The following ARMH1 variants were observed in gnomAD, a reference collection of about 807,000 sequenced individuals.
ARMH1 encodes armadillo-like helical domain containing protein 1.
In ARMH1, 34 loss-of-function variants were observed where a neutral mutation model predicts 50.2. That is an observed-to-expected ratio of 0.68 (90% confidence interval 0.51 to 0.90). The LOEUF is 0.90. Among genes scored for constraint, ARMH1 ranks in the 40% least tolerant of loss-of-function variants. The pLI is 0.00. For synonymous variants in ARMH1, 221 were observed against 224.2 expected (o/e 0.99, Z 0.13); for missense variants, 538 against 553.9 (o/e 0.97, Z 0.29).
intron 2 of ARMH1, among the ~76,000 whole-genome samples, chr1:44,695,742 C>A (rs1645803664): frequency 6.6e-6 from 1 of 152,086 alleles, no homozygotes. Context: ...AAGTCCGAAA[C>A]TAGTCTGGGC....
At chr1:44,710,433 C>A (rs1301171535) in intron 6 of ARMH1, among the ~76,000 whole-genome samples, 1 of 151,950 alleles carries the variant, frequency 6.6e-6, no homozygotes, top group Admixed American at 6.5e-5. Context: ...CACGGTGAAA[C>A]CCCGTCTCTA....
rs994412585 is a variant in ARMH1, at chr1:44,681,933, C to T, written c.-23+7060C>T. On this transcript the variant is annotated intron_variant, in intron 1 of 11. Coordinates refer to ENST00000535358, the MANE Select transcript of ARMH1 (RefSeq NM_001145636.2). This position sits in a 1 kb window ranked among gnomAD's most constrained non-coding sequence, Gnocchi z 4.3. ...CTGCATTCCATGTCTCTTCTCTGTG[C>T]GCCAACAGAACCTGGGATATATCCC... 2.6e-5 allele frequency among the ~76,000 whole-genome samples: 4 copies of T among 152,086 alleles called. No individual in the cohort carries two copies. Among genetic ancestry groups the T allele is most frequent in the East Asian group, 1.9e-4 (1 of 5,188 alleles).
intron 2 of ARMH1, among the ~76,000 whole-genome samples, chr1:44,695,283 G>A (rs906798927): frequency 2.6e-5 from 4 of 152,134 alleles, no homozygotes; most frequent in African/African-American, 9.7e-5. Context: ...CCACTGGAGG[G>A]CCATGGTGAG....
At chr1:44,720,651 G>C (rs1647064429) in intron 6 of ARMH1, among the ~76,000 whole-genome samples, 1 of 152,302 alleles carries the variant, frequency 6.6e-6, no homozygotes, top group African/African-American at 2.4e-5. Context: ...TGAGTGAAGA[G>C]TGAAGGCAGA....
chr1:44,721,877 T>G (rs146000125), intron 6 of ARMH1: 2 of 152,194 alleles, frequency 1.3e-5, no homozygotes, highest in Non-Finnish European at 1.5e-5. Flanking sequence ...GAAAGATTTA[T>G]TCGTTATGAA....
intron 6 of ARMH1, among the ~76,000 whole-genome samples, chr1:44,708,916 T>G (rs1036585679): frequency 6.6e-6 from 1 of 152,196 alleles, no homozygotes; most frequent in East Asian, 1.9e-4. Context: ...TTTTCTCTGC[T>G]GGACCATCTC....
rs1015594889 is a variant in ARMH1 at position 44,683,022 on chromosome 1, C to T, written c.-22-6654C>T. 2.6e-5 allele frequency among the ~76,000 whole-genome samples: 4 copies of T among 152,290 alleles called. No homozygotes were observed. The highest frequency in any genetic ancestry group is 2.1e-4 in the South Asian group (1 of 4,826). ...GCCCGAAGACCAGTGGAGGCTGTTG[C>T]AGTAATCCATATGCGGAACAAGGGT... On this transcript the variant is annotated intron_variant, in intron 1 of 11. Coordinates refer to ENST00000535358, the MANE Select transcript of ARMH1 (RefSeq NM_001145636.2). This position sits in a 1 kb window ranked among gnomAD's most constrained non-coding sequence, Gnocchi z 4.2.
intron 6 of ARMH1, among the ~76,000 whole-genome samples, chr1:44,716,181 C>T (rs1342869578): frequency 6.6e-6 from 1 of 151,966 alleles, no homozygotes; most frequent in Non-Finnish European, 1.5e-5. Flanking sequence ...AGGTCTTCTT[C>T]TCCTTCTTTG....
chr1:44,714,879 G>A (rs142174475), intron 6 of ARMH1, among the ~76,000 whole-genome samples: 4 of 151,632 alleles, frequency 2.6e-5, no homozygotes, highest in Admixed American at 6.6e-5. Flanking sequence ...GACTGTCCCC[G>A]GCCTTTTTTC....
At chr1:44,713,274 T>G (rs1646700305) in intron 6 of ARMH1, among the ~76,000 whole-genome samples, 1 of 151,866 alleles carries the variant, frequency 6.6e-6, no homozygotes, top group Non-Finnish European at 1.5e-5. Context: ...AATTTTCATA[T>G]TTTTAGCGGG....
In ARMH1 at chr1:44,700,994, T is replaced by C; in HGVS notation, c.514T>C (p.Leu172=). ...GACCCAGGAGGAAGTGCAGGTTCTG[T>C]TGGATTCTTTGGTCCACGGCAATCC... is the stretch of plus-strand genomic sequence containing the variant. The part of the protein sequence containing the change: ...EETQEEVQVL[L]DSLVHGNPKY... Residue 172 remains leucine, a synonymous_variant, in exon 5 of 12, where the codon TTG becomes CTG. Transcript: ENST00000535358. The C allele has an allele frequency of 6.4e-7, 1 of 1,551,686 alleles. No individual in the cohort carries two copies. The highest frequency in any genetic ancestry group is 1.2e-5 in the South Asian group (1 of 84,064).
At chr1:44,725,250 C>A (rs116031938) in intron 11 of ARMH1, 33 bp downstream of exon 11, 1 of 1,551,710 alleles carries the variant, frequency 6.4e-7, no homozygotes, top group Non-Finnish European at 8.7e-7. Context: ...CGGGCGCAGG[C>A]GCCGCCAGCA....
At chr1:44,691,649 T>C (rs1399261629) in intron 2 of ARMH1, among the ~76,000 whole-genome samples, 1 of 152,194 alleles carries the variant, frequency 6.6e-6, no homozygotes, top group African/African-American at 2.4e-5. Context: ...ATTGTCAAGA[T>C]TCAACACCAC....
chr1:44,704,663 T>A (rs752160057), intron 6 of ARMH1, among the ~76,000 whole-genome samples: 21 of 151,498 alleles, frequency 1.4e-4, no homozygotes, highest in Admixed American at 3.3e-4. Context: ...AAGTGTGCAC[T>A]ACTACATCCA....
At chr1:44,723,952 C>A in intron 6 of ARMH1, 170 bp from the exon 7 acceptor site, 1 of 791,900 alleles carries the variant, frequency 1.3e-6, no homozygotes, top group Non-Finnish European at 1.9e-6. Flanking sequence ...CAGCCCCCTC[C>A]TCCTGCTCTT....
At chr1:44,717,205 T>C (rs1210619935) in intron 6 of ARMH1, among the ~76,000 whole-genome samples, 1 of 152,232 alleles carries the variant, frequency 6.6e-6, no homozygotes, top group African/African-American at 2.4e-5. Context: ...CTCAACTTTT[T>C]TGAGCCTTCC....
intron 3 of ARMH1, among the ~76,000 whole-genome samples, chr1:44,697,830 T>C (rs1217986694): frequency 6.6e-6 from 1 of 152,140 alleles, no homozygotes; most frequent in Admixed American, 6.6e-5. Flanking sequence ...GAGGTGGTAT[T>C]ACAAGAAGAA....
chr1:44,724,847 C>T lies in ARMH1; in HGVS notation c.1128+8C>T. On this transcript the variant is annotated splice_region_variant and intron_variant, in intron 10 of 11. Transcript: ENST00000535358. This position sits in a 1 kb window ranked among gnomAD's most constrained non-coding sequence, Gnocchi z 6.4. ...CTCTACCAGCTCTTCCTGGTAAGTG[C>T]GCCCTTCCTGCCCCGCCGCAATGAG... 3 of 1,529,406 alleles carry T rather than the reference C, an allele frequency of 2.0e-6. No homozygotes were observed. Among genetic ancestry groups the T allele is most frequent in the Non-Finnish European group, 2.6e-6 (3 of 1,141,180 alleles). The allele number at this position is 1,529,406 out of a possible 1,614,324, so 94.7% of individuals were successfully genotyped here.
At chr1:44,692,112 A>G (rs532119943) in intron 2 of ARMH1, among the ~76,000 whole-genome samples, 1 of 152,188 alleles carries the variant, frequency 6.6e-6, no homozygotes, top group Non-Finnish European at 1.5e-5. Context: ...TCCTTGACCC[A>G]TGCACAGTGA....
Sources: allele counts gnomAD v4.1 joint callset (sites outside exome capture counted in the v4.1 genomes callset), GRCh38; gene constraint gnomAD v4.1.1; non-coding constraint Gnocchi (gnomAD v3.1); transcripts MANE v1.5; gene names NCBI Gene and HGNC (gene_info 2026-07-23, HGNC 2026-07-21).